The following DAGLB variants were observed in gnomAD, a reference collection of about 807,000 sequenced individuals.
DAGLB encodes diacylglycerol lipase-beta.
In DAGLB, 66 loss-of-function variants were observed where a neutral mutation model predicts 72.1. The ratio of observed to expected loss-of-function variants is 0.92; its 90% CI spans 0.75 to 1.12. The LOEUF is 1.12. Ranked by LOEUF, DAGLB falls within the 50% of genes most tolerant of loss-of-function variation. The pLI is 0.00. For missense variants in DAGLB, 1,065 were observed against 884.9 expected (o/e 1.20, Z -2.58); for synonymous variants, 414 against 359.5 (o/e 1.15, Z -1.71).
chr7:6,411,042 A>G (rs369006857), intron 13 of DAGLB, among the ~76,000 whole-genome samples: 14 of 151,492 alleles, frequency 9.2e-5, no homozygotes, highest in Admixed American at 6.6e-4. Flanking sequence ...CCGCCACCGC[A>G]CCCGGCTAAT....
intron 2 of DAGLB, among the ~76,000 whole-genome samples, chr7:6,443,055 C>T (rs1168061792): frequency 6.7e-6 from 1 of 149,268 alleles, no homozygotes; most frequent in Non-Finnish European, 1.5e-5. Context: ...CGGTGGCGGG[C>T]GCCTGTAGTC....
intron 2 of DAGLB, among the ~76,000 whole-genome samples, chr7:6,441,092 A>AT (rs34344272): frequency 0.027 from 3,801 of 139,192 alleles, 70 homozygotes; most frequent in Middle Eastern, 0.056. Context: ...CAAACTGACA[A>AT]TTTTTTTTTT....
At chr7:6,445,906 TA>T in intron 2 of DAGLB, 46 bp downstream of exon 2, 1 of 1,535,518 alleles carries the variant, frequency 6.5e-7, no homozygotes, top group Non-Finnish European at 8.8e-7. Context: ...TATATCTCAA[TA>T]AAGCTATAAA....
At chr7:6,430,827 G>A (rs549539269) in intron 5 of DAGLB, among the ~76,000 whole-genome samples, 1 of 151,258 alleles carries the variant, frequency 6.6e-6, no homozygotes, top group African/African-American at 2.4e-5. Flanking sequence ...CCAGGCTGGA[G>A]TGCAGTGGCA....
intron 1 of DAGLB, among the ~76,000 whole-genome samples, chr7:6,447,257 G>A (rs1156507970): frequency 6.6e-6 from 1 of 152,206 alleles, no homozygotes. Context: ...AGCGTTGTAT[G>A]TTGAGCCTGT....
At chr7:6,410,902 T>TTG (rs1783702937) in intron 13 of DAGLB, among the ~76,000 whole-genome samples, 1 of 117,348 alleles carries the variant, frequency 8.5e-6, no homozygotes, top group African/African-American at 3.6e-5. Flanking sequence ...TTTTTTTTTT[T>TTG]GAGACGGAGT....
intron 11 of DAGLB, among the ~76,000 whole-genome samples, chr7:6,415,760 G>T (rs975325084): frequency 6.6e-6 from 1 of 151,306 alleles, no homozygotes; most frequent in African/African-American, 2.4e-5. Flanking sequence ...CAGGAGAATC[G>T]CTTGAAGCTG....
intron 6 of DAGLB, among the ~76,000 whole-genome samples, chr7:6,426,372 C>T (rs991351429): frequency 2.0e-5 from 3 of 152,222 alleles, no homozygotes; most frequent in African/African-American, 4.8e-5. Context: ...CAGGTTCAGG[C>T]GATTCCCCTG....
intron 11 of DAGLB, among the ~76,000 whole-genome samples, chr7:6,414,063 T>C (rs903606962): frequency 6.6e-6 from 1 of 152,260 alleles, no homozygotes; most frequent in East Asian, 1.9e-4. Context: ...CAGGCTGGAG[T>C]GCAGCGGCAC....
chr7:6,411,270 A>C (rs1429663272), intron 13 of DAGLB, among the ~76,000 whole-genome samples: 3 of 151,974 alleles, frequency 2.0e-5, no homozygotes, highest in Admixed American at 1.3e-4. Flanking sequence ...CAGCCTCCCA[A>C]AGTGCTGGGA....
chr7:6,411,482 T>C (rs1783727728), intron 13 of DAGLB, among the ~76,000 whole-genome samples: 1 of 151,994 alleles, frequency 6.6e-6, no homozygotes, highest in Non-Finnish European at 1.5e-5. Context: ...ATTAGCCAGG[T>C]GTGTTGGCGC....
intron 11 of DAGLB, 165 bp downstream of exon 11, chr7:6,416,462 G>A (rs999717756): frequency 9.9e-7 from 1 of 1,011,204 alleles, no homozygotes; most frequent in Non-Finnish European, 1.4e-6. Flanking sequence ...AGAACCGCCT[G>A]AACCTGGGAG....
At chr7:6,446,535 C>T (rs1192910419) in intron 1 of DAGLB, among the ~76,000 whole-genome samples, 3 of 131,712 alleles carry the variant, frequency 2.3e-5, no homozygotes, top group African/African-American at 5.5e-5. Context: ...TAATATTTTC[C>T]AAAACAAGGC....
intron 2 of DAGLB, among the ~76,000 whole-genome samples, chr7:6,443,069 G>A (rs1418449765): frequency 6.7e-6 from 1 of 150,200 alleles, no homozygotes; most frequent in African/African-American, 2.4e-5. Context: ...TGTAGTCCCA[G>A]CTACTTGGGA....
intron 2 of DAGLB, among the ~76,000 whole-genome samples, chr7:6,444,961 A>T (rs978473405): frequency 1.3e-5 from 2 of 151,734 alleles, no homozygotes; most frequent in African/African-American, 4.8e-5. Flanking sequence ...CTTCACATTC[A>T]CTAGGATGGC....
chr7:6,439,966 C>T (rs757032810), intron 2 of DAGLB, among the ~76,000 whole-genome samples: 8 of 149,106 alleles, frequency 5.4e-5, no homozygotes, highest in South Asian at 2.1e-4. Context: ...GCAGGAGAAT[C>T]GGTCGAACCC....
At chr7:6,411,573 A>T (rs1783730215) in intron 13 of DAGLB, among the ~76,000 whole-genome samples, 1 of 152,168 alleles carries the variant, frequency 6.6e-6, no homozygotes, top group African/African-American at 2.4e-5. Flanking sequence ...ATGTGCCGAG[A>T]CTGCGCCACT....
chr7:6,444,823 T>A (rs922825165), intron 2 of DAGLB, among the ~76,000 whole-genome samples: 1 of 152,102 alleles, frequency 6.6e-6, no homozygotes, highest in African/African-American at 2.4e-5. Flanking sequence ...GGAGAATCAC[T>A]TGAACCCGGG....
At chr7:6,424,647 C>T in intron 8 of DAGLB, 105 bp downstream of exon 8, 1 of 1,067,822 alleles carries the variant, frequency 9.4e-7, no homozygotes, top group Non-Finnish European at 1.4e-6. Context: ...TCACCATTTT[C>T]CCCTGTGTCT....
Sources: allele counts gnomAD v4.1 joint callset (sites outside exome capture counted in the v4.1 genomes callset), GRCh38; gene constraint gnomAD v4.1.1; transcripts MANE v1.5; gene names NCBI Gene and HGNC (gene_info 2026-07-23, HGNC 2026-07-21).